Variants in UBE2E2 observed in about 807,000 individuals in gnomAD.
The protein encoded by UBE2E2 is ubiquitin-conjugating enzyme E2 E2.
In UBE2E2, 6 loss-of-function variants were observed where a neutral mutation model predicts 24.7. The observed-to-expected ratio is 0.24, with a 90% CI of 0.13 to 0.48. UBE2E2 has a LOEUF of 0.48. Ranked by LOEUF, UBE2E2 falls within the 20% of genes least tolerant of loss-of-function variation. The probability of loss-of-function intolerance (pLI) is 0.99; values close to 1 mark genes in which losing one functional copy is unlikely to be tolerated. For missense variants in UBE2E2, 169 were observed against 245.0 expected, an observed-to-expected ratio of 0.69 and a Z score of 2.07; for synonymous variants, 104 against 83.6, an observed-to-expected ratio of 1.24 and a Z score of -1.33.
chr3:23,583,469 G>C lies in UBE2E2; in HGVS notation c.509-6265G>C, dbSNP rs2125520307. Among the ~76,000 whole-genome samples, 1 of 152,310 alleles carries C rather than the reference G, an allele frequency of 6.6e-6. No homozygotes were observed. Among genetic ancestry groups the C allele is most frequent in the Admixed American group, 6.5e-5 (1 of 15,302 alleles). On this transcript the variant is annotated intron_variant, in intron 5 of 5. Coordinates refer to ENST00000396703, the MANE Select transcript of UBE2E2 (RefSeq NM_152653.4). This position sits in a 1 kb window ranked among gnomAD's most constrained non-coding sequence, Gnocchi z 4.1. ...AGTTTTTTCTAGTTCTGTGAAGAAT[G>C]TCATTGGTAGTTTGATAGAAATAGC... is the stretch of plus-strand genomic sequence containing the variant.
intron 3 of UBE2E2, among the ~76,000 whole-genome samples, chr3:23,271,719 C>T (rs1039011535): frequency 7.2e-5 from 11 of 152,050 alleles, no homozygotes; most frequent in Non-Finnish European, 1.6e-4. Context: ...TAACTAGACA[C>T]AGAGCACTGA....
At chr3:23,534,864 C>T (rs113126737) in intron 5 of UBE2E2, among the ~76,000 whole-genome samples, 1 of 152,116 alleles carries the variant, frequency 6.6e-6, no homozygotes, top group Non-Finnish European at 1.5e-5. Flanking sequence ...TATTTTAACC[C>T]GGAAATGCTG....
intron 3 of UBE2E2, among the ~76,000 whole-genome samples, chr3:23,232,420 T>C (rs946498045): frequency 6.6e-6 from 1 of 152,234 alleles, no homozygotes; most frequent in African/African-American, 2.4e-5. Flanking sequence ...TTAACATACA[T>C]TGAGTTCATC....
chr3:23,472,561 G>A (rs185252006), intron 3 of UBE2E2, among the ~76,000 whole-genome samples: 2 of 150,970 alleles, frequency 1.3e-5, no homozygotes, highest in Admixed American at 6.6e-5. Flanking sequence ...AGTTATTCCA[G>A]ATATCTTTAA....
At chr3:23,368,533 A>G (rs1377519946) in intron 3 of UBE2E2, among the ~76,000 whole-genome samples, 3 of 152,208 alleles carry the variant, frequency 2.0e-5, no homozygotes, top group African/African-American at 7.2e-5. Flanking sequence ...TTTTCTCTAT[A>G]AATTAATTAT....
chr3:23,547,564 G>T (rs1488721426), intron 5 of UBE2E2, among the ~76,000 whole-genome samples: 2 of 152,170 alleles, frequency 1.3e-5, no homozygotes, highest in East Asian at 3.8e-4. Context: ...AGTCATTCTA[G>T]TGAAATTTAT....
intron 3 of UBE2E2, among the ~76,000 whole-genome samples, chr3:23,496,090 C>T (rs1337507689): frequency 6.6e-6 from 1 of 152,114 alleles, no homozygotes; most frequent in South Asian, 2.1e-4. Flanking sequence ...AAGACTTTGA[C>T]ATAGATATGT....
At position 23,352,913 on chromosome 3, in the gene UBE2E2, C is replaced by G. The variant is rs545442075; in HGVS notation, c.227+135601C>G. Among the ~76,000 whole-genome samples, 8 of 152,242 alleles carry G rather than the reference C, an allele frequency of 5.3e-5. No individual in the cohort carries two copies. The South Asian group carries it at 1.7e-3, about 32-fold the overall frequency. On this transcript the variant is annotated intron_variant, in intron 3 of 5. Transcript: ENST00000396703. ...GCCAGCATCATCCTGATACCAAAGC[C>G]GGGCAGAGACACAACCAAAAAGGAG...
chr3:23,263,138 T>G (rs963620030), intron 3 of UBE2E2, among the ~76,000 whole-genome samples: 1 of 152,160 alleles, frequency 6.6e-6, no homozygotes, highest in Non-Finnish European at 1.5e-5. Flanking sequence ...GATACAGCAA[T>G]ACATATTAAC....
chr3:23,232,795 G>C (rs1239538994), intron 3 of UBE2E2, among the ~76,000 whole-genome samples: 1 of 152,102 alleles, frequency 6.6e-6, no homozygotes, highest in East Asian at 1.9e-4. Context: ...TAAAAACTTC[G>C]TCCAATCCTA....
chr3:23,307,736 T>C (rs1169957538), intron 3 of UBE2E2, among the ~76,000 whole-genome samples: 2 of 152,206 alleles, frequency 1.3e-5, no homozygotes, highest in African/African-American at 4.8e-5. Flanking sequence ...TTATCACATG[T>C]ATATTTTAAT....
At chr3:23,237,919 T>C (rs1203019185) in intron 3 of UBE2E2, among the ~76,000 whole-genome samples, 2 of 152,194 alleles carry the variant, frequency 1.3e-5, no homozygotes, top group African/African-American at 2.4e-5. Flanking sequence ...TAAAGTCTTA[T>C]ACAAACTCTT....
At chr3:23,302,612 G>A (rs1699129708) in intron 3 of UBE2E2, among the ~76,000 whole-genome samples, 1 of 152,124 alleles carries the variant, frequency 6.6e-6, no homozygotes. Flanking sequence ...AAAGTAGTAG[G>A]CATCAGCTAA....
intron 5 of UBE2E2, among the ~76,000 whole-genome samples, chr3:23,556,289 C>T (rs1350618696): frequency 1.3e-5 from 2 of 150,554 alleles, no homozygotes; most frequent in African/African-American, 4.9e-5. Context: ...GGACTACAGG[C>T]GTGTGCCACT....
intron 3 of UBE2E2, among the ~76,000 whole-genome samples, chr3:23,218,330 C>G (rs565160133): frequency 3.0e-4 from 45 of 152,198 alleles, no homozygotes; most frequent in African/African-American, 1.0e-3. Flanking sequence ...GAATGTTTCA[C>G]TCAAATAGAA....
At chr3:23,437,413 C>A (rs867729178) in intron 3 of UBE2E2, among the ~76,000 whole-genome samples, 1 of 152,150 alleles carries the variant, frequency 6.6e-6, no homozygotes, top group South Asian at 2.1e-4. Context: ...GTTTGCTAAT[C>A]TGTAAATCCA....
At chr3:23,320,867 G>A (rs1161651448) in intron 3 of UBE2E2, among the ~76,000 whole-genome samples, 1 of 152,226 alleles carries the variant, frequency 6.6e-6, no homozygotes, top group Non-Finnish European at 1.5e-5. Context: ...ATTCCTAACA[G>A]TATTAGTTTC....
intron 3 of UBE2E2, among the ~76,000 whole-genome samples, chr3:23,322,787 C>G (rs1391952558): frequency 6.6e-6 from 1 of 151,846 alleles, no homozygotes; most frequent in Admixed American, 6.6e-5. Context: ...TTTCAGAAAG[C>G]TTTCATAAAT....
intron 3 of UBE2E2, among the ~76,000 whole-genome samples, chr3:23,255,414 C>A (rs1018601162): frequency 2.0e-5 from 3 of 152,014 alleles, no homozygotes; most frequent in African/African-American, 4.8e-5. Flanking sequence ...ATTTATTTGA[C>A]TGTTTTATTA....
Sources: gnomAD v4.1 joint callset for allele counts (sites outside exome capture counted in the v4.1 genomes callset) on GRCh38, gnomAD v4.1.1 for gene constraint, Gnocchi (gnomAD v3.1) non-coding constraint, MANE v1.5 for transcripts, NCBI Gene and HGNC (gene_info 2026-07-23, HGNC 2026-07-21) for gene names.